SCNN1B: variants seen among roughly 807,000 people sequenced by gnomAD.
The protein encoded by SCNN1B is epithelial sodium channel subunit beta.
Under a neutral mutation model 65.3 loss-of-function variants are expected in SCNN1B, and 46 were observed. The ratio of observed to expected loss-of-function variants is 0.70; its 90% CI spans 0.56 to 0.90. The LOEUF is 0.90. SCNN1B is among the 40% of genes least tolerant of loss of function. SCNN1B has a pLI of 0.00. For missense variants in SCNN1B, 751 were observed against 830.5 expected, an observed-to-expected ratio of 0.90 and a Z score of 1.18; for synonymous variants, 349 against 330.6, an observed-to-expected ratio of 1.06 and a Z score of -0.60.
intron 1 of SCNN1B, among the ~76,000 whole-genome samples, chr16:23,318,433 AC>A (rs1961517604): frequency 6.6e-6 from 1 of 152,054 alleles, no homozygotes; most frequent in South Asian, 2.1e-4. Context: ...ACATAGTGAA[AC>A]CCCATCTCTA....
intron 1 of SCNN1B, among the ~76,000 whole-genome samples, chr16:23,346,889 G>A (rs370724762): frequency 5.3e-5 from 8 of 152,164 alleles, no homozygotes; most frequent in African/African-American, 1.7e-4. Context: ...CAGCCTCCAC[G>A]ACAGCTTTAT....
chr16:23,378,385 G>A (rs948671694), intron 10 of SCNN1B, among the ~76,000 whole-genome samples: 2 of 152,232 alleles, frequency 1.3e-5, no homozygotes, highest in Non-Finnish European at 2.9e-5. Flanking sequence ...ACACCTGGAG[G>A]CAGAGGCTGA....
At chr16:23,370,985 T>G (rs1962770278) in intron 5 of SCNN1B, among the ~76,000 whole-genome samples, 1 of 152,126 alleles carries the variant, frequency 6.6e-6, no homozygotes. Flanking sequence ...AGGGCACCTG[T>G]GGTGTGAGGT....
chr16:23,310,592 G>A (rs1191849676), intron 1 of SCNN1B, among the ~76,000 whole-genome samples: 3 of 152,190 alleles, frequency 2.0e-5, no homozygotes, highest in African/African-American at 7.2e-5. Flanking sequence ...CAGGAAGATG[G>A]CTTGTGCCTG....
intron 4 of SCNN1B, among the ~76,000 whole-genome samples, chr16:23,356,060 C>T (rs571732935): frequency 6.6e-6 from 1 of 152,266 alleles, no homozygotes; most frequent in Non-Finnish European, 1.5e-5. Context: ...AGTGGTCCTC[C>T]CTTGAAGGAG....
chr16:23,294,957 C>T (rs1374286740), intron 2 of SCNN1B, among the ~76,000 whole-genome samples: 1 of 152,124 alleles, frequency 6.6e-6, no homozygotes. Context: ...CACACTGCTG[C>T]ACTCCAGCCT....
intron 2 of SCNN1B, among the ~76,000 whole-genome samples, chr16:23,289,792 C>T (rs912002335): frequency 1.3e-5 from 2 of 151,182 alleles, no homozygotes; most frequent in Non-Finnish European, 2.9e-5. Flanking sequence ...TCTCCTGCCT[C>T]AGCCTCCTGA....
In SCNN1B at chr16:23,380,398, C is replaced by T; in HGVS notation, c.1543-23C>T. ...GGCAAGAATGTGTGGCCTGAGCTCA[C>T]CCCAGCTCCCTGTTCCCCACAGATC... On this transcript the variant is annotated intron_variant, in intron 12 of 12. Coordinates refer to ENST00000343070, the MANE Select transcript of SCNN1B (RefSeq NM_000336.3). This position sits in a 1 kb window ranked among gnomAD's most constrained non-coding sequence, Gnocchi z 5.4. 1 of 1,613,936 alleles carries T rather than the reference C, an allele frequency of 6.2e-7. No individual in the cohort carries two copies. Among genetic ancestry groups the T allele is most frequent in the South Asian group, 1.1e-5 (1 of 91,080 alleles).
intron 1 of SCNN1B, among the ~76,000 whole-genome samples, chr16:23,329,003 T>C (rs1189996715): frequency 2.0e-5 from 3 of 152,132 alleles, no homozygotes; most frequent in African/African-American, 4.8e-5. Context: ...TCACGCTGTC[T>C]TGCCCAGGCT....
intron 2 of SCNN1B, among the ~76,000 whole-genome samples, chr16:23,291,140 C>A (rs1960918326): frequency 6.6e-6 from 1 of 150,848 alleles, no homozygotes; most frequent in Non-Finnish European, 1.5e-5. Flanking sequence ...TGGCTCACTG[C>A]AACCTCCACC....
At chr16:23,362,430 G>T (rs1212522733) in intron 4 of SCNN1B, among the ~76,000 whole-genome samples, 1 of 152,138 alleles carries the variant, frequency 6.6e-6, no homozygotes, top group African/African-American at 2.4e-5. Flanking sequence ...TTGTTTCAGG[G>T]ATTATCCAAC....
intron 2 of SCNN1B, among the ~76,000 whole-genome samples, chr16:23,288,947 A>T (rs952566482): frequency 6.6e-6 from 1 of 151,950 alleles, no homozygotes; most frequent in Non-Finnish European, 1.5e-5. Flanking sequence ...TTGCCATGTG[A>T]CCCTCCCAGC....
intron 1 of SCNN1B, among the ~76,000 whole-genome samples, chr16:23,325,532 G>A (rs933400028): frequency 6.7e-6 from 1 of 149,426 alleles, no homozygotes; most frequent in South Asian, 2.1e-4. Context: ...CTCCCAAAGT[G>A]CTGGGATTAC....
intron 2 of SCNN1B, among the ~76,000 whole-genome samples, chr16:23,286,987 G>C (rs1960859397): frequency 6.9e-6 from 1 of 145,190 alleles, no homozygotes; most frequent in Non-Finnish European, 1.5e-5. Flanking sequence ...TGTTGTTGCT[G>C]TTGTTGTTGT....
At chr16:23,372,920 T>A (rs1962815317) in intron 7 of SCNN1B, among the ~76,000 whole-genome samples, 1 of 144,438 alleles carries the variant, frequency 6.9e-6, no homozygotes. Flanking sequence ...GCCAACATGG[T>A]GAAACCCCGT....
At chr16:23,376,046 C>T (rs1448682684) in intron 8 of SCNN1B, among the ~76,000 whole-genome samples, 191 bp downstream of exon 8, 1 of 152,248 alleles carries the variant, frequency 6.6e-6, no homozygotes, top group Non-Finnish European at 1.5e-5. Context: ...AGCCTTCTCT[C>T]TGCTCCTCAA....
chr16:23,338,046 T>G (rs1234848560), intron 1 of SCNN1B, among the ~76,000 whole-genome samples: 1 of 152,160 alleles, frequency 6.6e-6, no homozygotes, highest in Non-Finnish European at 1.5e-5. Context: ...CACTTCAACC[T>G]GTATGACAGA....
chr16:23,371,286 A>G lies in SCNN1B; in HGVS notation c.881-13A>G. On this transcript the variant is annotated splice_polypyrimidine_tract_variant and intron_variant, in intron 5 of 12. Transcript: ENST00000343070. ...AGAAAGTTCAGGCAGCCCTCACCCC[A>G]CCCTCCCCACAGGCCTGAAGTTGAT... is the stretch of plus-strand genomic sequence containing the variant. 3 of 1,612,892 alleles carry G rather than the reference A, an allele frequency of 1.9e-6. No individual in the cohort carries two copies. The highest frequency in any genetic ancestry group is 2.5e-6 in the Non-Finnish European group (3 of 1,179,722).
chr16:23,379,514 G>A (rs904629876), intron 11 of SCNN1B, among the ~76,000 whole-genome samples: 2 of 152,106 alleles, frequency 1.3e-5, no homozygotes, highest in African/African-American at 4.8e-5. Context: ...AGGTACCAAT[G>A]TCCAGGCAGA....
Sources: gnomAD v4.1 joint callset for allele counts (sites outside exome capture counted in the v4.1 genomes callset) on GRCh38, gnomAD v4.1.1 for gene constraint, Gnocchi (gnomAD v3.1) non-coding constraint, MANE v1.5 for transcripts, NCBI Gene and HGNC (gene_info 2026-07-23, HGNC 2026-07-21) for gene names.